Variants in TTC27 observed in about 807,000 individuals in gnomAD.
TTC27 encodes the protein tetratricopeptide repeat domain 27, also known as tetratricopeptide repeat protein 27.
In TTC27, 79 loss-of-function variants were observed where a neutral mutation model predicts 115.9. The observed-to-expected ratio is 0.68, with a 90% confidence interval of 0.57 to 0.82. The LOEUF (loss-of-function observed/expected upper bound fraction) is 0.82, where lower values mean the gene tolerates loss of function less well. Ranked by LOEUF, TTC27 falls within the 40% of genes least tolerant of loss-of-function variation. The pLI, the probability that TTC27 is intolerant of heterozygous loss-of-function variation, is 0.00. For synonymous variants in TTC27, 401 were observed against 356.0 expected, an observed-to-expected ratio of 1.13 and a Z score of -1.42; for missense variants, 1,054 against 993.1, an observed-to-expected ratio of 1.06 and a Z score of -0.82.
chr2:32,629,862 A>G (rs1369145616), intron 1 of TTC27, among the ~76,000 whole-genome samples: 1 of 152,158 alleles, frequency 6.6e-6, no homozygotes, highest in Non-Finnish European at 1.5e-5. Context: ...GTAATAATGA[A>G]CAGTGTAGTG....
At chr2:32,726,210 T>C (rs1184835586) in intron 10 of TTC27, among the ~76,000 whole-genome samples, 1 of 152,240 alleles carries the variant, frequency 6.6e-6, no homozygotes, top group Non-Finnish European at 1.5e-5. Flanking sequence ...TGGTTACTTA[T>C]GCAAATTTCT....
intron 18 of TTC27, among the ~76,000 whole-genome samples, chr2:32,816,610 C>T (rs13423210): frequency 0.021 from 3,259 of 152,252 alleles, 118 homozygotes; most frequent in African/African-American, 0.074. Flanking sequence ...ATGAGTTCCC[C>T]AGAATGCTGG....
chr2:32,757,885 A>G (rs1217576578), intron 12 of TTC27, among the ~76,000 whole-genome samples: 1 of 152,118 alleles, frequency 6.6e-6, no homozygotes, highest in East Asian at 1.9e-4. Context: ...TATTTTTAGT[A>G]GAGACAGGGT....
chr2:32,751,889 G>T (rs1254573721), intron 12 of TTC27, among the ~76,000 whole-genome samples: 2 of 152,122 alleles, frequency 1.3e-5, no homozygotes, highest in Admixed American at 1.3e-4. Flanking sequence ...TGGAGACTCA[G>T]GTCAGGCATC....
At chr2:32,628,417 G>A in intron 1 of TTC27, 37 bp downstream of exon 1, 1 of 1,506,378 alleles carries the variant, frequency 6.6e-7, no homozygotes, top group South Asian at 1.3e-5. Context: ...GGCTATCGTG[G>A]GAACTGTGAG....
chr2:32,645,128 A>C (rs1664806748), intron 4 of TTC27, among the ~76,000 whole-genome samples: 1 of 152,190 alleles, frequency 6.6e-6, no homozygotes, highest in Non-Finnish European at 1.5e-5. Flanking sequence ...CCTGACTCCA[A>C]GAAATGTATC....
intron 15 of TTC27, 27 bp from the exon 16 acceptor site, chr2:32,786,957 C>T (rs1670367849): frequency 9.5e-6 from 15 of 1,574,678 alleles, no homozygotes; most frequent in Admixed American, 1.9e-5. Context: ...TTCATTATTG[C>T]TCTCTTTAAA....
intron 13 of TTC27, among the ~76,000 whole-genome samples, chr2:32,763,895 G>A (rs1669530762): frequency 6.6e-6 from 1 of 152,180 alleles, no homozygotes; most frequent in Non-Finnish European, 1.5e-5. Context: ...AGGGAAATCT[G>A]ACCAAATCTC....
At chr2:32,665,438 G>T (rs570111122) in intron 6 of TTC27, among the ~76,000 whole-genome samples, 33 of 152,204 alleles carry the variant, frequency 2.2e-4, no homozygotes, top group African/African-American at 7.9e-4. Context: ...GCTTTTTTGG[G>T]ACTATTGATG....
chr2:32,817,126 A>T (rs1671524985), intron 18 of TTC27, among the ~76,000 whole-genome samples: 2 of 152,050 alleles, frequency 1.3e-5, no homozygotes, highest in Non-Finnish European at 2.9e-5. Flanking sequence ...GCCAGGTGCA[A>T]TGGCTGACAC....
chr2:32,784,770 C>T (rs1670294076), intron 15 of TTC27, among the ~76,000 whole-genome samples: 1 of 152,104 alleles, frequency 6.6e-6, no homozygotes, highest in Admixed American at 6.5e-5. Context: ...AAAGGATAAT[C>T]CTCATGGTGT....
Position 32,758,347 on chromosome 2 carries a change from G to C in TTC27, c.1508G>C (p.Cys503Ser). Reference protein sequence around the residue: ...LEKKETPSLYCLLGDVLGDHS... With the variant: ...LEKKETPSLYSLLGDVLGDHS... Reference sequence around the variant, plus strand: ...AAAAAAGAAACGCCTAGTTTATACTGCTTGCTTGGAGATGTCCTCGGAGAC... The same window carrying C: ...AAAAAAGAAACGCCTAGTTTATACTCCTTGCTTGGAGATGTCCTCGGAGAC... Residue 503 changes from cysteine to serine, a missense_variant, in exon 13 of 20, where the codon TGC (cysteine) becomes TCC (serine). Physicochemically the swap from Cys to Ser is moderately radical, Grantham distance 112. Coordinates refer to ENST00000317907, the MANE Select transcript of TTC27 (RefSeq NM_017735.5). The C allele has an allele frequency of 6.2e-7, 1 of 1,614,158 alleles. No individual in the cohort carries two copies. The highest frequency in any genetic ancestry group is 8.5e-7 in the Non-Finnish European group (1 of 1,180,028).
intron 7 of TTC27, among the ~76,000 whole-genome samples, chr2:32,671,531 T>A (rs1666016565): frequency 6.6e-6 from 1 of 152,216 alleles, no homozygotes; most frequent in African/African-American, 2.4e-5. Flanking sequence ...GGTCTAAAAT[T>A]TTGAACTGTA....
intron 12 of TTC27, among the ~76,000 whole-genome samples, chr2:32,739,790 A>G (rs1668567385): frequency 6.6e-6 from 1 of 152,208 alleles, no homozygotes; most frequent in Non-Finnish European, 1.5e-5. Context: ...TTTTATTTCT[A>G]AAACAGCTGA....
chr2:32,684,940 A>G (rs1446191643), intron 9 of TTC27, among the ~76,000 whole-genome samples: 1 of 150,614 alleles, frequency 6.6e-6, no homozygotes, highest in Non-Finnish European at 1.5e-5. Flanking sequence ...AAAAAAAGAC[A>G]TTAAATAAGA....
At chr2:32,668,438 T>C (rs902078271) in intron 7 of TTC27, among the ~76,000 whole-genome samples, 2 of 151,906 alleles carry the variant, frequency 1.3e-5, no homozygotes, top group East Asian at 3.9e-4. Context: ...ATGAGTATTA[T>C]GAGAAATGTA....
chr2:32,786,028 C>A (rs753045638), intron 15 of TTC27, among the ~76,000 whole-genome samples: 1 of 152,036 alleles, frequency 6.6e-6, no homozygotes, highest in Non-Finnish European at 1.5e-5. Context: ...ATTTCTTTGT[C>A]TCTTTCAGTA....
chr2:32,722,050 C>T (rs1466277548), intron 10 of TTC27, among the ~76,000 whole-genome samples: 1 of 152,180 alleles, frequency 6.6e-6, no homozygotes, highest in African/African-American at 2.4e-5. Context: ...CTCTTATTAT[C>T]ATCTTCACTT....
chr2:32,809,225 T>C (rs1167954879), intron 16 of TTC27, among the ~76,000 whole-genome samples: 2 of 152,220 alleles, frequency 1.3e-5, no homozygotes, highest in African/African-American at 4.8e-5. Context: ...GACAGCAAGA[T>C]CTCACACTGG....
Sources: gnomAD v4.1 joint callset for allele counts (sites outside exome capture counted in the v4.1 genomes callset) on GRCh38, gnomAD v4.1.1 for gene constraint, MANE v1.5 for transcripts, NCBI Gene and HGNC (gene_info 2026-07-23, HGNC 2026-07-21) for gene names.